The following DPYD variants were observed in gnomAD, a reference collection of about 807,000 sequenced individuals.
DPYD encodes the protein dihydropyrimidine dehydrogenase, also known as dihydropyrimidine dehydrogenase [NADP(+)].
Under a neutral mutation model 116.2 loss-of-function variants are expected in DPYD, and 109 were observed. That is an observed-to-expected ratio of 0.94 (90% CI 0.80 to 1.10). The LOEUF is 1.10. Ranked by LOEUF, DPYD falls within the 50% of genes least tolerant of loss-of-function variation. DPYD has a pLI of 0.00. For synonymous variants in DPYD, 440 were observed against 432.0 expected, an observed-to-expected ratio of 1.02 and a Z score of -0.23; for missense variants, 1,302 against 1,254.5, an observed-to-expected ratio of 1.04 and a Z score of -0.57.
intron 2 of DPYD, chr1:97,856,159 G>A (rs1670829676): frequency 6.6e-6 from 1 of 152,160 alleles, no homozygotes; most frequent in Non-Finnish European, 1.5e-5. Flanking sequence ...CTGCAAACTG[G>A]GAAAGCTTCA....
intron 20 of DPYD, among the ~76,000 whole-genome samples, chr1:97,127,782 G>T (rs1652963225): frequency 1.3e-5 from 2 of 152,020 alleles, no homozygotes; most frequent in Admixed American, 1.3e-4. Context: ...CCATTTCCTT[G>T]TCTTACAGCT....
intron 14 of DPYD, among the ~76,000 whole-genome samples, chr1:97,420,688 A>AGCACTCAG (rs1018297989): frequency 6.6e-6 from 1 of 152,096 alleles, no homozygotes; most frequent in East Asian, 1.9e-4. Context: ...ATCTGTATTC[A>AGCACTCAG]GCACTCAGGC....
chr1:97,723,448 A>AAC (rs551991935), intron 4 of DPYD, among the ~76,000 whole-genome samples: 10 of 150,978 alleles, frequency 6.6e-5, no homozygotes, highest in South Asian at 2.1e-4. Flanking sequence ...TGTTGATGTA[A>AAC]ACACACACAC....
intron 13 of DPYD, among the ~76,000 whole-genome samples, chr1:97,478,530 C>A (rs747683619): frequency 5.3e-5 from 8 of 152,200 alleles, no homozygotes; most frequent in Non-Finnish European, 1.0e-4. Context: ...TCGTGATGCA[C>A]CTGCCTTGGC....
chr1:97,368,169 G>A (rs1026475900), intron 16 of DPYD, among the ~76,000 whole-genome samples: 2 of 152,024 alleles, frequency 1.3e-5, no homozygotes, highest in Admixed American at 6.6e-5. Context: ...TGCTTGACCA[G>A]AAACTTTGAT....
chr1:97,534,495 T>C (rs1649853366), intron 12 of DPYD, among the ~76,000 whole-genome samples: 1 of 152,136 alleles, frequency 6.6e-6, no homozygotes, highest in African/African-American at 2.4e-5. Flanking sequence ...ACAGAAAAAC[T>C]TGGGTTCTAC....
At chr1:97,251,354 T>C (rs1663076447) in intron 18 of DPYD, among the ~76,000 whole-genome samples, 1 of 134,498 alleles carries the variant, frequency 7.4e-6, no homozygotes, top group African/African-American at 2.9e-5. Context: ...ATTGCGCCAT[T>C]GCACTCCAGC....
intron 1 of DPYD, among the ~76,000 whole-genome samples, chr1:97,920,257 G>C (rs767166411): frequency 1.3e-5 from 2 of 152,112 alleles, no homozygotes; most frequent in Admixed American, 1.3e-4. Flanking sequence ...CGGAGTGCAA[G>C]AGGGAATCAA....
chr1:97,889,936 T>C (rs757490242), intron 1 of DPYD, among the ~76,000 whole-genome samples: 9 of 152,086 alleles, frequency 5.9e-5, no homozygotes, highest in Admixed American at 1.3e-4. Flanking sequence ...TAGATATCAA[T>C]AACAGAAAGA....
intron 2 of DPYD, among the ~76,000 whole-genome samples, chr1:97,829,856 G>A (rs530323634): frequency 4.0e-5 from 6 of 151,762 alleles, no homozygotes; most frequent in Admixed American, 2.0e-4. Context: ...CCGTCAGCTC[G>A]TCATTTACAT....
chr1:97,360,911 A>T (rs55773483), intron 16 of DPYD, among the ~76,000 whole-genome samples: 8,293 of 152,220 alleles, frequency 0.054, 321 homozygotes, highest in East Asian at 0.17. Flanking sequence ...AAGCAAGAGC[A>T]AACAAATTCA....
chr1:97,684,802 T>C (rs891817424), intron 7 of DPYD, among the ~76,000 whole-genome samples: 3 of 152,154 alleles, frequency 2.0e-5, no homozygotes, highest in African/African-American at 7.2e-5. Context: ...AAGGAAGAAG[T>C]TGAATCCCTG....
chr1:97,720,414 G>C (rs1303444082), intron 5 of DPYD: 1 of 985,696 alleles, frequency 1.0e-6, no homozygotes, highest in African/African-American at 1.7e-5. Context: ...AGGTAGTAAA[G>C]ATCATACTTC....
intron 13 of DPYD, among the ~76,000 whole-genome samples, chr1:97,491,999 G>C (rs1196200767): frequency 6.6e-6 from 1 of 151,998 alleles, no homozygotes; most frequent in Admixed American, 6.6e-5. Context: ...ATGTTTCAAT[G>C]CCTCAAAAAG....
At chr1:97,913,467 G>A (rs949490885) in intron 1 of DPYD, among the ~76,000 whole-genome samples, 5 of 152,228 alleles carry the variant, frequency 3.3e-5, no homozygotes, top group Admixed American at 2.6e-4. Context: ...CACAGTGGCT[G>A]AATGATTCCC....
At chr1:97,730,576 A>G (rs1361893626) in intron 4 of DPYD, among the ~76,000 whole-genome samples, 1 of 152,266 alleles carries the variant, frequency 6.6e-6, no homozygotes, top group African/African-American at 2.4e-5. Context: ...CAAAAATAAG[A>G]AAGTGCTTTA....
intron 3 of DPYD, among the ~76,000 whole-genome samples, chr1:97,792,883 C>G (rs898926291): frequency 6.6e-6 from 1 of 152,152 alleles, no homozygotes; most frequent in African/African-American, 2.4e-5. Flanking sequence ...GTTGGACAAA[C>G]TGCCACAGCC....
At chr1:97,127,495 AC>A (rs764768898) in intron 20 of DPYD, among the ~76,000 whole-genome samples, 32 of 151,874 alleles carry the variant, frequency 2.1e-4, no homozygotes, top group Admixed American at 3.9e-4. Flanking sequence ...AGCTACAGAA[AC>A]CCCTCGTATC....
At chr1:97,183,321 T>C (rs538610292) in intron 20 of DPYD, among the ~76,000 whole-genome samples, 9 of 152,246 alleles carry the variant, frequency 5.9e-5, no homozygotes, top group Non-Finnish European at 1.3e-4. Context: ...TTTTTTAATA[T>C]AGGTATCCAA....
Sources: allele counts gnomAD v4.1 joint callset (sites outside exome capture counted in the v4.1 genomes callset), GRCh38; gene constraint gnomAD v4.1.1; transcripts MANE v1.5; gene names NCBI Gene and HGNC (gene_info 2026-07-23, HGNC 2026-07-21).